CFAP100: variants seen among roughly 807,000 people sequenced by gnomAD.
CFAP100 encodes cilia- and flagella-associated protein 100.
CFAP100 carries 70 observed loss-of-function variants against 81.5 expected under a neutral mutation model. That is an observed-to-expected ratio of 0.86 (90% CI 0.71 to 1.05). The LOEUF (loss-of-function observed/expected upper bound fraction) is 1.05, where lower values mean the gene tolerates loss of function less well. CFAP100 is among the 50% of genes least tolerant of loss of function. The pLI, the probability that CFAP100 is intolerant of heterozygous loss-of-function variation, is 0.00. For synonymous variants in CFAP100, 341 were observed against 314.8 expected, an observed-to-expected ratio of 1.08 and a Z score of -0.88; for missense variants, 811 against 776.5, an observed-to-expected ratio of 1.04 and a Z score of -0.53.
intron 15 of CFAP100, among the ~76,000 whole-genome samples, chr3:126,435,177 T>C (rs1262863849): frequency 6.6e-6 from 1 of 152,118 alleles, no homozygotes; most frequent in Non-Finnish European, 1.5e-5. Flanking sequence ...GACAGGACTC[T>C]CGCCCCAGGG....
chr3:126,420,288 GCACCCATGTGTAGTCAGGTCTGAGTGC>G (rs1304732002), intron 11 of CFAP100, 59 bp downstream of exon 11: 13 of 1,599,310 alleles, frequency 8.1e-6, no homozygotes, highest in Non-Finnish European at 1.1e-5. Context: ...CTCCCTTGTG[GCACCCATGTGTAGTCAGGTCTGAGTGC>G]CACAGAAAAG....
rs747494747 is a variant in CFAP100, at chr3:126,433,218, C to G, written c.1422+14C>G. 6.2e-7 allele frequency: 1 copy of G among 1,613,860 alleles called. No homozygotes were observed. Among genetic ancestry groups the G allele is most frequent in the Non-Finnish European group, 8.5e-7 (1 of 1,179,864 alleles). The stretch of plus-strand genomic sequence containing the variant: ...GGCGATCAGCAGGTAGGCTGGGGAT[C>G]AAGGTGGCCAGAGGCCCAGGGTAAG... On this transcript the variant is annotated intron_variant, in intron 14 of 16. Coordinates refer to ENST00000352312, the MANE Select transcript of CFAP100 (RefSeq NM_182628.3).
chr3:126,397,690 G>C (rs1393369680), intron 2 of CFAP100, among the ~76,000 whole-genome samples: 1 of 152,260 alleles, frequency 6.6e-6, no homozygotes, highest in Non-Finnish European at 1.5e-5. Flanking sequence ...AGGTGGGTCA[G>C]GGAGGTTGGC....
At chr3:126,428,118 T>A (rs1231095793) in intron 13 of CFAP100, among the ~76,000 whole-genome samples, 1 of 152,162 alleles carries the variant, frequency 6.6e-6, no homozygotes, top group East Asian at 1.9e-4. Flanking sequence ...GGGACACAGA[T>A]CCAAACAATA....
chr3:126,407,265 C>G lies in CFAP100; in HGVS notation c.130+13C>G, dbSNP rs370052283. On this transcript the variant is annotated intron_variant, in intron 3 of 16. Coordinates refer to ENST00000352312, the MANE Select transcript of CFAP100 (RefSeq NM_182628.3). ...AGAAAAAACGAAGGTAACCTTCAAG[C>G]TGGGAGGCTAAAGTCCAAGTTGGCA... 1,028 of 1,605,684 alleles carry G rather than the reference C, an allele frequency of 6.4e-4. 1 individual carries two copies. Among genetic ancestry groups the G allele is most frequent in the Non-Finnish European group, 7.9e-4 (926 of 1,173,534 alleles).
At chr3:126,407,478 G>A (rs2083084175) in intron 3 of CFAP100, among the ~76,000 whole-genome samples, 1 of 152,190 alleles carries the variant, frequency 6.6e-6, no homozygotes, top group Non-Finnish European at 1.5e-5. Flanking sequence ...ACTTTCTTGA[G>A]GCTCCACTAA....
intron 3 of CFAP100, among the ~76,000 whole-genome samples, chr3:126,409,025 TCA>T (rs2083114119): frequency 6.6e-6 from 1 of 152,158 alleles, no homozygotes; most frequent in Non-Finnish European, 1.5e-5. Context: ...CTGGGCTCAA[TCA>T]GTGCTTCAGC....
At chr3:126,436,165 GCAGGGCTGAC>G in intron 16 of CFAP100, 116 bp from the exon 17 acceptor site, 1 of 656,692 alleles carries the variant, frequency 1.5e-6, no homozygotes, top group Non-Finnish European at 2.7e-6. Flanking sequence ...CCCTCAGCCT[GCAGGGCTGAC>G]CAGAGTGGCC....
intron 2 of CFAP100, among the ~76,000 whole-genome samples, chr3:126,401,397 T>TTTTATATATATATATATA (rs869308239): frequency 3.9e-5 from 3 of 76,214 alleles, no homozygotes; most frequent in Non-Finnish European, 5.4e-5. Context: ...AAATCGTATT[T>TTTTATATATATATATATA]TATATATATA....
At chr3:126,432,810 T>C in intron 13 of CFAP100, 1 of 354,066 alleles carries the variant, frequency 2.8e-6, no homozygotes, top group Non-Finnish European at 5.1e-6. Context: ...ATGATGGTTA[T>C]GCTAATTTTA....
chr3:126,421,089 G>A (rs1260278296), intron 11 of CFAP100, among the ~76,000 whole-genome samples: 4 of 152,098 alleles, frequency 2.6e-5, no homozygotes, highest in Admixed American at 1.3e-4. Context: ...CGCAACCTCC[G>A]CCTCCCAGGT....
At position 126,436,322 on chromosome 3, in the gene CFAP100, C is replaced by A. The variant is rs746641604; in HGVS notation, c.1754C>A (p.Pro585His). Reference protein sequence around the residue: ...RGRTLVCRSRPPAHRIKQQSE... With the variant: ...RGRTLVCRSRHPAHRIKQQSE... ...AGGACACTGGTATGCCGCTCACGAC[C>A]CCCAGCCCACAGGATCAAACAACAG... The change falls in exon 17 of 17, where the codon CCC (proline) becomes CAC (histidine). Residue 585 changes from proline (P) to histidine (H), a missense_variant. Transcript: ENST00000352312. The A allele has an allele frequency of 5.6e-6, 9 of 1,613,918 alleles. No homozygotes were observed. Among genetic ancestry groups the A allele is most frequent in the Non-Finnish European group, 7.6e-6 (9 of 1,179,932 alleles).
At position 126,436,449 on chromosome 3, in the gene CFAP100, G is replaced by A. The variant is rs374361964; in HGVS notation, c.*45G>A. On this transcript the variant is annotated 3_prime_UTR_variant, in exon 17 of 17. Transcript: ENST00000352312. ...TTCTGGCTGAAGGCTTAGCAAAGAT[G>A]TTGGCAGAGGAAGCAGAGACTGGGC... 6.1e-6 allele frequency: 9 copies of A among 1,484,872 alleles called. No individual in the cohort carries two copies. The highest frequency in any genetic ancestry group is 1.8e-5 in the Admixed American group (1 of 55,080). 92.0% of individuals were successfully genotyped at this position (1,484,872 alleles called of 1,614,324 possible). A position where few individuals can be genotyped will look rare whatever the true frequency, so the allele number is the denominator to read the frequency against.
intron 13 of CFAP100, among the ~76,000 whole-genome samples, chr3:126,426,402 C>T (rs1932939444): frequency 6.6e-6 from 1 of 150,790 alleles, no homozygotes; most frequent in African/African-American, 2.4e-5. Context: ...GTGCAGTGAG[C>T]CATGATCATG....
chr3:126,409,385 G>A (rs766437057), intron 3 of CFAP100, among the ~76,000 whole-genome samples: 3 of 152,196 alleles, frequency 2.0e-5, no homozygotes, highest in Admixed American at 6.5e-5. Flanking sequence ...GAACATTTAG[G>A]TTGTTTCCAG....
At chr3:126,407,331 C>T (rs1166562083) in intron 3 of CFAP100, 79 bp downstream of exon 3, 2 of 893,186 alleles carry the variant, frequency 2.2e-6, no homozygotes, top group Non-Finnish European at 3.6e-6. Context: ...TCCCCTCAGA[C>T]CAGGTCTCTA....
Position 126,420,206 on chromosome 3 carries a change from GTCCAGCGGTGGCGAC to G in CFAP100, c.1065_1079del (p.Ser355_Ser359del), listed in dbSNP as rs1207106817. On this transcript the variant is annotated inframe_deletion, in exon 11 of 17. Coordinates refer to ENST00000352312, the MANE Select transcript of CFAP100 (RefSeq NM_182628.3). ...CCCAGCAAGGCAGCCAGCCCAGCGA[GTCCAGCGGTGGCGAC>G]TCCAGAGGGTGAGTGGGCTCGGGTG... 1 of 1,612,586 alleles carries G rather than the reference GTCCAGCGGTGGCGAC, an allele frequency of 6.2e-7. No homozygotes were observed. Among genetic ancestry groups the G allele is most frequent in the South Asian group, 1.1e-5 (1 of 91,036 alleles).
chr3:126,413,992 A>G (rs72977858), intron 3 of CFAP100, 93 bp from the exon 4 acceptor site: 21,118 of 833,542 alleles, frequency 0.025, 1,116 homozygotes, highest in African/African-American at 0.17. Flanking sequence ...ATGCTTTTCC[A>G]TGCTGGGCTG....
chr3:126,400,577 C>G (rs1037217430), intron 2 of CFAP100, among the ~76,000 whole-genome samples: 1 of 152,106 alleles, frequency 6.6e-6, no homozygotes, highest in Middle Eastern at 3.4e-3. Flanking sequence ...CATGGTGAAA[C>G]CCTGTCTCTA....
Sources: gnomAD v4.1 joint callset for allele counts (sites outside exome capture counted in the v4.1 genomes callset) on GRCh38, gnomAD v4.1.1 for gene constraint, MANE v1.5 for transcripts, NCBI Gene and HGNC (gene_info 2026-07-23, HGNC 2026-07-21) for gene names.